DDX60L: variants seen among roughly 807,000 people sequenced by gnomAD.
The protein encoded by DDX60L is DExD/H-box 60 like.
DDX60L carries 191 observed loss-of-function variants against 211.6 expected under a neutral mutation model. The ratio of observed to expected loss-of-function variants is 0.90; its 90% confidence interval spans 0.80 to 1.02. DDX60L has a LOEUF of 1.02. Ranked by LOEUF, DDX60L falls within the 50% of genes least tolerant of loss-of-function variation. The pLI, the probability that DDX60L is intolerant of heterozygous loss-of-function variation, is 0.00. For synonymous variants in DDX60L, 706 were observed against 694.1 expected (o/e 1.02, Z -0.27); for missense variants, 2,007 against 1,984.1 (o/e 1.01, Z -0.22).
chr4:168,442,535 G>A (rs1365148144), intron 9 of DDX60L, among the ~76,000 whole-genome samples: 1 of 152,220 alleles, frequency 6.6e-6, no homozygotes, highest in African/African-American at 2.4e-5. Context: ...ACAGCTCAAG[G>A]AGGCCTGCCT....
chr4:168,433,184 T>G, intron 10 of DDX60L, 69 bp from the exon 11 acceptor site: 1 of 1,085,370 alleles, frequency 9.2e-7, no homozygotes, highest in Non-Finnish European at 1.3e-6. Context: ...TGAACATTAT[T>G]TTTAAAATTT....
At chr4:168,401,200 T>C (rs1746742625) in intron 25 of DDX60L, among the ~76,000 whole-genome samples, 1 of 152,198 alleles carries the variant, frequency 6.6e-6, no homozygotes, top group African/African-American at 2.4e-5. Flanking sequence ...AGACCTTAAG[T>C]CTGATAAGAA....
Position 168,364,927 on chromosome 4 carries a change from C to A in DDX60L, c.4929-3716G>T, listed in dbSNP as rs1450837895. Reference sequence around the variant, plus strand: ...ATTAAACAACTACTCTTAAAAAAAACCCAACAGATCAATAAGCAAATTAAA... The same window carrying A: ...ATTAAACAACTACTCTTAAAAAAAAACCAACAGATCAATAAGCAAATTAAA... On this transcript the variant is annotated intron_variant, in intron 36 of 37. Coordinates refer to ENST00000682922, the MANE Select transcript of DDX60L (RefSeq NM_001012967.3). Among the ~76,000 whole-genome samples the A allele has an allele frequency of 5.3e-5, 8 of 151,816 alleles. No individual in the cohort carries two copies. In the East Asian group the frequency reaches 1.5e-3, roughly 29 times the overall value.
chr4:168,359,565 A>G (rs1738749977), intron 37 of DDX60L, among the ~76,000 whole-genome samples: 1 of 152,188 alleles, frequency 6.6e-6, no homozygotes, highest in Non-Finnish European at 1.5e-5. Context: ...GAATATGGGT[A>G]TAGCCTCCAG....
rs776813390 is a variant in DDX60L, at chr4:168,453,230, C to T, written c.890G>A (p.Arg297His). The T allele has an allele frequency of 4.2e-5, 68 of 1,612,868 alleles. No homozygotes were observed. The highest frequency in any genetic ancestry group is 2.3e-4 in the Admixed American group (14 of 59,802). ...LQEVEDFCRL[R>H]CLCVAFQLHL... The stretch of plus-strand genomic sequence containing the variant: ...GAGTTGAAAAGCCACACAGAGGCAA[C>T]GCAGTCTGCAGAAATCTTCCACCTC... The change falls in exon 8 of 38, where the codon CGT becomes CAT. Residue 297 changes from arginine (R) to histidine (H), a missense_variant. Physicochemically the swap from Arg to His is conservative, Grantham distance 29. Coordinates refer to ENST00000682922, the MANE Select transcript of DDX60L (RefSeq NM_001012967.3).
At chr4:168,430,219 A>T (rs959887578) in intron 13 of DDX60L, among the ~76,000 whole-genome samples, 1 of 152,166 alleles carries the variant, frequency 6.6e-6, no homozygotes, top group Non-Finnish European at 1.5e-5. Flanking sequence ...AAAGAAAAAG[A>T]AAAAGAAGTT....
At chr4:168,423,527 T>C (rs934175871) in intron 15 of DDX60L, 81 bp downstream of exon 15, 17 of 989,880 alleles carry the variant, frequency 1.7e-5, no homozygotes, top group Non-Finnish European at 2.5e-5. Flanking sequence ...ATATGTGAGA[T>C]ACTTCATTAG....
intron 1 of DDX60L, among the ~76,000 whole-genome samples, chr4:168,477,141 C>G (rs532712893): frequency 6.6e-6 from 1 of 152,100 alleles, no homozygotes; most frequent in African/African-American, 2.4e-5. Flanking sequence ...CTTGGCTGGG[C>G]GCGGTGGCTC....
chr4:168,414,851 C>T (rs1749271238), intron 22 of DDX60L, among the ~76,000 whole-genome samples: 1 of 150,728 alleles, frequency 6.6e-6, no homozygotes, highest in South Asian at 2.1e-4. Context: ...TGATGGTTAC[C>T]AGAGGCTAGC....
intron 30 of DDX60L, chr4:168,380,870 CAGAT>C (rs1399356757): frequency 2.6e-5 from 4 of 152,150 alleles, no homozygotes; most frequent in Non-Finnish European, 5.9e-5. Context: ...AATGAGGTCT[CAGAT>C]GGAGATGAAG....
intron 9 of DDX60L, among the ~76,000 whole-genome samples, chr4:168,442,422 G>C (rs1754023306): frequency 1.3e-5 from 2 of 152,252 alleles, no homozygotes; most frequent in South Asian, 4.2e-4. Flanking sequence ...CAGCGAGGCT[G>C]GGGGAGGGGC....
At chr4:168,449,637 CAAA>C (rs59043240) in intron 8 of DDX60L, among the ~76,000 whole-genome samples, 30 of 44,846 alleles carry the variant, frequency 6.7e-4, no homozygotes, top group East Asian at 2.1e-3. Flanking sequence ...AACATTAAAA[CAAA>C]AAAAAAAAAT....
chr4:168,390,643 T>TA (rs1744640480), intron 29 of DDX60L: 2 of 613,038 alleles, frequency 3.3e-6, no homozygotes, highest in Admixed American at 3.5e-5. Context: ...TTGTCAGTTT[T>TA]TTTTTTAGCA....
intron 26 of DDX60L, among the ~76,000 whole-genome samples, chr4:168,399,277 G>GA (rs1236963723): frequency 4.7e-5 from 1 of 21,254 alleles, no homozygotes; most frequent in Non-Finnish European, 3.2e-3. Context: ...GCCCTTCAGG[G>GA]AGCCAGACCT....
At chr4:168,424,941 C>T (rs1751222079) in intron 14 of DDX60L, among the ~76,000 whole-genome samples, 1 of 152,178 alleles carries the variant, frequency 6.6e-6, no homozygotes, top group Admixed American at 6.6e-5. Flanking sequence ...ATGAAGCCTC[C>T]TTCCATAGAA....
chr4:168,453,316 A>G, intron 7 of DDX60L, 34 bp from the exon 8 acceptor site: 2 of 1,575,856 alleles, frequency 1.3e-6, no homozygotes, highest in Non-Finnish European at 1.7e-6. Context: ...AACAGTCACA[A>G]TGTCACGCTG....
At chr4:168,448,886 G>T in intron 8 of DDX60L, 107 bp from the exon 9 acceptor site, 1 of 968,210 alleles carries the variant, frequency 1.0e-6, no homozygotes, top group Non-Finnish European at 1.5e-6. Context: ...TGGGTGGAAT[G>T]ATAAAGTCAT....
At chr4:168,425,057 T>C (rs1382099310) in intron 14 of DDX60L, among the ~76,000 whole-genome samples, 1 of 152,228 alleles carries the variant, frequency 6.6e-6, no homozygotes, top group Non-Finnish European at 1.5e-5. Flanking sequence ...ATTCATGACA[T>C]AACTTTAAGA....
chr4:168,361,384 C>T (rs367601160), intron 36 of DDX60L, 173 bp from the exon 37 acceptor site: 71 of 486,990 alleles, frequency 1.5e-4, no homozygotes, highest in African/African-American at 1.3e-3. Flanking sequence ...AGGTAAAAAC[C>T]ACAAAAAAAA....
Sources: gnomAD v4.1 joint callset for allele counts (sites outside exome capture counted in the v4.1 genomes callset) on GRCh38, gnomAD v4.1.1 for gene constraint, MANE v1.5 for transcripts, NCBI Gene and HGNC (gene_info 2026-07-23, HGNC 2026-07-21) for gene names.